SIDT1: variants seen among roughly 807,000 people sequenced by gnomAD.
SIDT1 encodes the protein SID1 transmembrane family, member 1.
In SIDT1, 101 loss-of-function variants were observed where a neutral mutation model predicts 107.5. The observed-to-expected ratio is 0.94, with a 90% CI of 0.80 to 1.11. The LOEUF is 1.11. Among genes scored for constraint, SIDT1 ranks in the 50% least tolerant of loss-of-function variants. The pLI is 0.00. For synonymous variants in SIDT1, 395 were observed against 398.2 expected (o/e 0.99, Z 0.10); for missense variants, 1,076 against 1,058.2 (o/e 1.02, Z -0.23).
At chr3:113,605,122 C>CAATTTTTTTT in intron 14 of SIDT1, 146 bp downstream of exon 14, 1 of 306,992 alleles carries the variant, frequency 3.3e-6, no homozygotes, top group East Asian at 5.2e-5. Flanking sequence ...CTATTGCTTC[C>CAATTTTTTTT]TCTTTTTTTT....
Position 113,613,366 on chromosome 3 carries a change from A to T in SIDT1, c.1966+1172A>T, listed in dbSNP as rs1229635305. 2.6e-5 allele frequency among the ~76,000 whole-genome samples: 4 copies of T among 152,348 alleles called. No individual in the cohort carries two copies. In the East Asian group the frequency reaches 7.7e-4, roughly 29 times the overall value. ...TCAGAATTTCTAGAAGGAAAGGAGGAGTCCTTTGGCCCTGCAGACTCCTCA... is the reference window on the plus strand; with the variant it reads ...TCAGAATTTCTAGAAGGAAAGGAGGTGTCCTTTGGCCCTGCAGACTCCTCA... On this transcript the variant is annotated intron_variant, in intron 19 of 24. Coordinates refer to ENST00000264852, the MANE Select transcript of SIDT1 (RefSeq NM_017699.3).
At chr3:113,552,700 C>T (rs1189728566) in intron 1 of SIDT1, among the ~76,000 whole-genome samples, 1 of 152,118 alleles carries the variant, frequency 6.6e-6, no homozygotes, top group Non-Finnish European at 1.5e-5. Context: ...CTGCTGTGGA[C>T]CCTATTGATA....
At chr3:113,619,930 AT>A (rs1200655903) in intron 21 of SIDT1, 2 of 527,992 alleles carry the variant, frequency 3.8e-6, no homozygotes, top group Non-Finnish European at 6.8e-6. Context: ...CATTGAGTTC[AT>A]TTGTTCAACA....
chr3:113,556,633 C>G (rs1940885301), intron 1 of SIDT1, among the ~76,000 whole-genome samples: 1 of 152,078 alleles, frequency 6.6e-6, no homozygotes, highest in Non-Finnish European at 1.5e-5. Flanking sequence ...AAGTGGTTTC[C>G]TGGGCTCAGC....
chr3:113,580,336 G>A (rs1405701361), intron 4 of SIDT1, among the ~76,000 whole-genome samples: 2 of 152,196 alleles, frequency 1.3e-5, no homozygotes, highest in Admixed American at 1.3e-4. Flanking sequence ...GCAAAGTTTA[G>A]TTGAGAAATA....
At chr3:113,626,634 A>G (rs1946870321) in intron 24 of SIDT1, among the ~76,000 whole-genome samples, 1 of 151,982 alleles carries the variant, frequency 6.6e-6, no homozygotes. Context: ...AATATTTTAC[A>G]TATTCCTTAA....
chr3:113,622,429 A>T (rs1180747838), intron 21 of SIDT1, among the ~76,000 whole-genome samples: 1 of 139,324 alleles, frequency 7.2e-6, no homozygotes, highest in African/African-American at 2.7e-5. Flanking sequence ...GTGCCACTGC[A>T]CTCCAGCCTG....
intron 10 of SIDT1, among the ~76,000 whole-genome samples, chr3:113,600,224 C>A (rs899665291): frequency 6.6e-6 from 1 of 152,022 alleles, no homozygotes; most frequent in Non-Finnish European, 1.5e-5. Flanking sequence ...GCAGGAGAAT[C>A]GCTTGAACCC....
At chr3:113,633,312 G>A (rs144471322), downstream of SIDT1, among the ~76,000 whole-genome samples, 207 of 152,260 alleles carry the variant, frequency 1.4e-3, no homozygotes, top group African/African-American at 4.8e-3. Flanking sequence ...TAGGCTTCTT[G>A]CTGAGATTCC....
intron 18 of SIDT1, among the ~76,000 whole-genome samples, chr3:113,611,468 A>C (rs759443432): frequency 4.8e-4 from 73 of 152,176 alleles, no homozygotes; most frequent in Non-Finnish European, 8.7e-4. Flanking sequence ...AGTAGCTGGG[A>C]CTACAGGCGC....
At chr3:113,559,386 G>A (rs150773133) in intron 1 of SIDT1, among the ~76,000 whole-genome samples, 2 of 151,696 alleles carry the variant, frequency 1.3e-5, no homozygotes, top group African/African-American at 4.8e-5. Context: ...TCTGATGAGT[G>A]TAAGTGCTGA....
downstream of SIDT1, among the ~76,000 whole-genome samples, chr3:113,632,174 A>G (rs1340364197): frequency 6.6e-6 from 1 of 152,188 alleles, no homozygotes; most frequent in Non-Finnish European, 1.5e-5. Context: ...TTAGAAATCA[A>G]CAGATTTAAA....
At chr3:113,610,150 T>C (rs1413151671) in intron 17 of SIDT1, among the ~76,000 whole-genome samples, 1 of 152,252 alleles carries the variant, frequency 6.6e-6, no homozygotes, top group Non-Finnish European at 1.5e-5. Flanking sequence ...ATTCCTCTAT[T>C]GAACAGCATT....
In SIDT1 at chr3:113,601,568, C is replaced by A; in HGVS notation, c.1046-20C>A. The A allele has an allele frequency of 6.3e-7, 1 of 1,593,782 alleles. No homozygotes were observed. The highest frequency in any genetic ancestry group is 1.1e-5 in the South Asian group (1 of 90,634). On this transcript the variant is annotated intron_variant, in intron 10 of 24. Coordinates refer to ENST00000264852, the MANE Select transcript of SIDT1 (RefSeq NM_017699.3). ...TAGCAACTGGACATAAAGTGTTTGC[C>A]TCTTCACTTTTTTTAACAGGCTCTG...
At chr3:113,633,167 T>C (rs965290413), downstream of SIDT1, among the ~76,000 whole-genome samples, 6 of 152,106 alleles carry the variant, frequency 3.9e-5, no homozygotes, top group Non-Finnish European at 8.8e-5. Flanking sequence ...TTAGGGAGGT[T>C]CAGGCTTTCT....
intron 1 of SIDT1, among the ~76,000 whole-genome samples, chr3:113,554,090 C>T (rs915274156): frequency 6.6e-6 from 1 of 151,994 alleles, no homozygotes; most frequent in Non-Finnish European, 1.5e-5. Flanking sequence ...ACTGAGGAAC[C>T]TGGAGAGACA....
At position 113,607,037 on chromosome 3, in the gene SIDT1, A is replaced by G; in HGVS notation, c.1405-4A>G. The G allele has an allele frequency of 6.3e-7, 1 of 1,596,226 alleles. No homozygotes were observed. The highest frequency in any genetic ancestry group is 1.1e-5 in the South Asian group (1 of 90,706). ...ATTTCCTCTTCTCACTCTTGATTTT[A>G]CAGGTGGTAAATGTCACTGGCAACC... is the stretch of plus-strand genomic sequence containing the variant. On this transcript the variant is annotated splice_polypyrimidine_tract_variant and splice_region_variant and intron_variant, in intron 14 of 24. Transcript: ENST00000264852.
At chr3:113,616,061 T>G in intron 19 of SIDT1, 39 bp from the exon 20 acceptor site, 1 of 1,453,350 alleles carries the variant, frequency 6.9e-7, no homozygotes, top group Non-Finnish European at 9.7e-7. Flanking sequence ...GTATTTTTGT[T>G]GACTAAGCCT....
At chr3:113,571,105 A>G (rs1199330505) in intron 3 of SIDT1, among the ~76,000 whole-genome samples, 2 of 152,192 alleles carry the variant, frequency 1.3e-5, no homozygotes, top group East Asian at 1.9e-4. Context: ...ATGTCTCTCA[A>G]TTCCATGAAA....
Sources: gnomAD v4.1 joint callset for allele counts (sites outside exome capture counted in the v4.1 genomes callset) on GRCh38, gnomAD v4.1.1 for gene constraint, MANE v1.5 for transcripts, NCBI Gene and HGNC (gene_info 2026-07-23, HGNC 2026-07-21) for gene names.